Variants in MAN1A1 observed in about 807,000 individuals in gnomAD.
MAN1A1 encodes mannosyl-oligosaccharide 1,2-alpha-mannosidase IA.
In MAN1A1, 29 loss-of-function variants were observed where a neutral mutation model predicts 70.8. That is an observed-to-expected ratio of 0.41 (90% CI 0.31 to 0.56). MAN1A1 has a LOEUF of 0.56. MAN1A1 is among the 20% of genes least tolerant of loss of function. The pLI, the probability that MAN1A1 is intolerant of heterozygous loss-of-function variation, is 0.29. For synonymous variants in MAN1A1, 349 were observed against 330.1 expected (o/e 1.06, Z -0.62); for missense variants, 747 against 841.3 (o/e 0.89, Z 1.39).
chr6:119,329,132 C>A (rs532406033), intron 2 of MAN1A1, among the ~76,000 whole-genome samples: 1 of 152,162 alleles, frequency 6.6e-6, no homozygotes, highest in African/African-American at 2.4e-5. Context: ...ACTCCACCCC[C>A]CTGGCCATAG....
chr6:119,298,145 G>A (rs1028140374), intron 4 of MAN1A1, among the ~76,000 whole-genome samples: 1 of 152,096 alleles, frequency 6.6e-6, no homozygotes, highest in Non-Finnish European at 1.5e-5. Flanking sequence ...TTTGTCCTAA[G>A]ATTACTTTGA....
intron 5 of MAN1A1, among the ~76,000 whole-genome samples, chr6:119,275,528 G>C (rs1159182789): frequency 1.3e-5 from 2 of 148,334 alleles, no homozygotes; most frequent in African/African-American, 5.0e-5. Flanking sequence ...GGATGGTCTT[G>C]ATCTCCTGAC....
intron 6 of MAN1A1, among the ~76,000 whole-genome samples, chr6:119,223,922 G>A (rs977091488): frequency 6.6e-6 from 1 of 152,134 alleles, no homozygotes; most frequent in African/African-American, 2.4e-5. Flanking sequence ...CAAACTAACA[G>A]AGCATTAACC....
At chr6:119,267,992 G>T (rs1775806316) in intron 5 of MAN1A1, among the ~76,000 whole-genome samples, 1 of 152,166 alleles carries the variant, frequency 6.6e-6, no homozygotes, top group Non-Finnish European at 1.5e-5. Flanking sequence ...GAAGCTGGAT[G>T]TGGAGACTTG....
chr6:119,257,501 G>A (rs1775492196), intron 5 of MAN1A1, among the ~76,000 whole-genome samples: 1 of 151,916 alleles, frequency 6.6e-6, no homozygotes, highest in Admixed American at 6.6e-5. Context: ...AAACATATAT[G>A]AACGACAACA....
At chr6:119,338,944 G>A (rs1288999227) in intron 2 of MAN1A1, among the ~76,000 whole-genome samples, 2 of 152,142 alleles carry the variant, frequency 1.3e-5, no homozygotes, top group Non-Finnish European at 2.9e-5. Context: ...CATTGAGCCG[G>A]CTTGCCAGAT....
intron 5 of MAN1A1, among the ~76,000 whole-genome samples, chr6:119,263,909 G>C (rs865908403): frequency 6.6e-6 from 1 of 152,126 alleles, no homozygotes; most frequent in African/African-American, 2.4e-5. Context: ...TACAACATTT[G>C]TAAGACTTCA....
intron 5 of MAN1A1, among the ~76,000 whole-genome samples, chr6:119,284,933 C>T (rs1776323487): frequency 6.6e-6 from 1 of 151,944 alleles, no homozygotes; most frequent in Non-Finnish European, 1.5e-5. Flanking sequence ...TAAAGGAATA[C>T]CTGAGGCTGG....
chr6:119,180,275 A>C, intron 12 of MAN1A1, 37 bp downstream of exon 12: 1 of 1,404,258 alleles, frequency 7.1e-7, no homozygotes, highest in Non-Finnish European at 1.0e-6. Context: ...CTGTTCAGGT[A>C]CCTTAGCCAC....
chr6:119,330,221 T>C (rs1362395464), intron 2 of MAN1A1, among the ~76,000 whole-genome samples: 1 of 152,160 alleles, frequency 6.6e-6, no homozygotes, highest in Non-Finnish European at 1.5e-5. Flanking sequence ...GTTGTATACA[T>C]CCAACTGCTC....
chr6:119,302,078 T>C lies in MAN1A1; in HGVS notation c.726A>G (p.Val242=). The C allele has an allele frequency of 6.2e-7, 1 of 1,603,218 alleles. No individual in the cohort carries two copies. Among genetic ancestry groups the C allele is most frequent in the Non-Finnish European group, 8.5e-7 (1 of 1,170,920 alleles). ...LFGNIKGATI[V]DALDTLFIME... is the part of the protein sequence containing the mutation. ...TAATAAAAAGTGTATCCAGGGCATC[T>C]ACTATAGTTGCTCCTTTGATGTTAC... The change falls in exon 4 of 13, where the codon GTA becomes GTG. Residue 242 remains valine (V), a synonymous_variant. Coordinates refer to ENST00000368468, the MANE Select transcript of MAN1A1 (RefSeq NM_005907.4).
intron 2 of MAN1A1, among the ~76,000 whole-genome samples, chr6:119,348,094 A>G (rs1347811054): frequency 2.6e-5 from 4 of 152,172 alleles, no homozygotes; most frequent in South Asian, 2.1e-4. Context: ...CACGTCCCCA[A>G]TCCTTACCAG....
chr6:119,341,529 T>C (rs964019353), intron 2 of MAN1A1, among the ~76,000 whole-genome samples: 5 of 152,166 alleles, frequency 3.3e-5, no homozygotes, highest in African/African-American at 1.2e-4. Flanking sequence ...AGGCCTTATT[T>C]CTCATGTGTA....
chr6:119,342,747 A>G (rs1282034757), intron 2 of MAN1A1, among the ~76,000 whole-genome samples: 1 of 152,188 alleles, frequency 6.6e-6, no homozygotes, highest in Non-Finnish European at 1.5e-5. Context: ...TACTTTTAAA[A>G]CAATCATCCT....
intron 2 of MAN1A1, among the ~76,000 whole-genome samples, chr6:119,326,330 GCT>G (rs1285047838): frequency 3.3e-5 from 5 of 152,180 alleles, no homozygotes; most frequent in Non-Finnish European, 7.3e-5. Flanking sequence ...GACAGCTCTA[GCT>G]CTCTCTTTCT....
At chr6:119,349,903 G>T, upstream of MAN1A1, 1 of 340,272 alleles carries the variant, frequency 2.9e-6, no homozygotes, top group Non-Finnish European at 4.2e-6. Flanking sequence ...GCGGGGCGGG[G>T]AGTTTACGGG....
At chr6:119,275,889 G>C (rs1272579205) in intron 5 of MAN1A1, among the ~76,000 whole-genome samples, 1 of 152,246 alleles carries the variant, frequency 6.6e-6, no homozygotes, top group Non-Finnish European at 1.5e-5. Context: ...AGACAGCAGA[G>C]TGTAATCCCA....
chr6:119,251,645 TTTA>T (rs1445021311), intron 5 of MAN1A1, among the ~76,000 whole-genome samples: 4 of 152,222 alleles, frequency 2.6e-5, no homozygotes, highest in African/African-American at 7.2e-5. Context: ...CTCTGAACGT[TTTA>T]TTGTGTTTTC....
Position 119,349,175 on chromosome 6 carries a change from C to T in MAN1A1, c.-110G>A, listed in dbSNP as rs1582825345. 5 of 1,228,972 alleles carry T rather than the reference C, an allele frequency of 4.1e-6. No homozygotes were observed. In the African/African-American group the frequency reaches 4.7e-5, roughly 12 times the overall value. The allele number at this position is 1,228,972 out of a possible 1,614,324, so 76.1% of individuals were successfully genotyped here. On this transcript the variant is annotated 5_prime_UTR_variant, in exon 2 of 13. Transcript: ENST00000368468. ...GTCCTGCGTAGCCAGGCCGCCCGAC[C>T]CCCTCGGCTGGGCTGCGGATCCTCC... is the stretch of plus-strand genomic sequence containing the variant.
Sources: allele counts gnomAD v4.1 joint callset (sites outside exome capture counted in the v4.1 genomes callset), GRCh38; gene constraint gnomAD v4.1.1; transcripts MANE v1.5; gene names NCBI Gene and HGNC (gene_info 2026-07-23, HGNC 2026-07-21).